CAMTA1: variants seen among roughly 807,000 people sequenced by gnomAD.
CAMTA1 encodes the protein calmodulin-binding transcription activator 1.
CAMTA1 carries 27 observed loss-of-function variants against 170.9 expected under a neutral mutation model. The observed-to-expected ratio is 0.16, with a 90% CI of 0.12 to 0.22. CAMTA1 has a LOEUF of 0.22. CAMTA1 is among the 10% of genes least tolerant of loss of function. The pLI is 1.00. For missense variants in CAMTA1, 1,619 were observed against 2,217.2 expected (o/e 0.73, Z 5.42); for synonymous variants, 833 against 891.5 (o/e 0.93, Z 1.17).
Position 7,744,880 on chromosome 1 carries a change from G to T in CAMTA1, c.4228G>T (p.Asp1410Tyr). ...AGAACACATTATTGAAGCCACACCT[G>T]ACCGAATCAAGCAGGAGAATTTTGT... ...LAEHIIEATPDRIKQENFVPM... is the reference protein window; with the variant it reads ...LAEHIIEATPYRIKQENFVPM... The change falls in exon 17 of 23, where the codon GAC (aspartate) becomes TAC (tyrosine). Residue 1410 changes from aspartate to tyrosine, a missense_variant. By Grantham distance (160) the Asp-to-Tyr change is radical. Transcript: ENST00000303635. The T allele has an allele frequency of 6.2e-7, 1 of 1,614,062 alleles. No individual in the cohort carries two copies. Among genetic ancestry groups the T allele is most frequent in the Non-Finnish European group, 8.5e-7 (1 of 1,180,008 alleles).
rs146552322 is a variant in CAMTA1 at position 7,675,820 on chromosome 1, G to C, written c.2780-1779G>C. 7.8e-3 allele frequency among the ~76,000 whole-genome samples: 1,194 copies of C among 152,144 alleles called. 8 individuals carry two copies. Among genetic ancestry groups the C allele is most frequent in the South Asian group, 0.047 (227 of 4,816 alleles). On this transcript the variant is annotated intron_variant, in intron 10 of 22. Coordinates refer to ENST00000303635, the MANE Select transcript of CAMTA1 (RefSeq NM_015215.4). ...GAAGAGCGAGTCCAGGAAGCTTCCT[G>C]GGTGATGGAACTGCAGGAGCAGGGC...
At chr1:7,708,159 C>T (rs774839322) in intron 11 of CAMTA1, among the ~76,000 whole-genome samples, 6 of 150,440 alleles carry the variant, frequency 4.0e-5, no homozygotes, top group Admixed American at 2.6e-4. Flanking sequence ...GGAGAAACCC[C>T]GTCTCTACAA....
intron 21 of CAMTA1, among the ~76,000 whole-genome samples, chr1:7,754,132 C>T (rs1035933840): frequency 2.6e-5 from 4 of 152,184 alleles, no homozygotes; most frequent in African/African-American, 7.2e-5. Context: ...TCCTCTTCGA[C>T]CTGCAAAATG....
intron 6 of CAMTA1, among the ~76,000 whole-genome samples, chr1:7,606,302 C>G (rs905102419): frequency 2.6e-5 from 4 of 152,150 alleles, no homozygotes; most frequent in African/African-American, 9.7e-5. Flanking sequence ...GCCTGAGACC[C>G]AGCAGCTGCC....
At chr1:7,107,616 G>A (rs909555881) in intron 4 of CAMTA1, among the ~76,000 whole-genome samples, 4 of 152,170 alleles carry the variant, frequency 2.6e-5, no homozygotes, top group Non-Finnish European at 4.4e-5. Context: ...GCCACCTCCC[G>A]GAGGGGCGGG....
intron 11 of CAMTA1, chr1:7,693,205 G>A (rs951330958): frequency 2.6e-5 from 4 of 152,462 alleles, no homozygotes; most frequent in African/African-American, 7.2e-5. Context: ...AGGCAAGGAG[G>A]AGCAAGTCAC....
intron 5 of CAMTA1, among the ~76,000 whole-genome samples, chr1:7,371,007 G>A (rs2086416006): frequency 7.3e-6 from 1 of 137,040 alleles, no homozygotes; most frequent in Admixed American, 8.5e-5. Flanking sequence ...CACCTCCCAG[G>A]TTCACACCAT....
At chr1:7,072,806 C>G (rs1457800362) in intron 3 of CAMTA1, among the ~76,000 whole-genome samples, 2 of 152,174 alleles carry the variant, frequency 1.3e-5, no homozygotes, top group African/African-American at 2.4e-5. Context: ...TGCAGAAGCC[C>G]TGGGGCAGGA....
intron 3 of CAMTA1, among the ~76,000 whole-genome samples, chr1:6,932,000 C>G (rs1684500249): frequency 2.0e-5 from 3 of 152,186 alleles, no homozygotes; most frequent in Non-Finnish European, 4.4e-5. Context: ...CAGGGAACAC[C>G]ATTCACATTG....
At chr1:7,698,399 C>T (rs1576979328) in intron 11 of CAMTA1, 1 of 152,308 alleles carries the variant, frequency 6.6e-6, no homozygotes, top group Non-Finnish European at 1.5e-5. Flanking sequence ...GCTGGACAAC[C>T]TTGCAGTGTA....
At chr1:7,566,460 C>A (rs1217270020) in intron 6 of CAMTA1, among the ~76,000 whole-genome samples, 4 of 152,152 alleles carry the variant, frequency 2.6e-5, no homozygotes. Flanking sequence ...CCAAAGAGAA[C>A]CCAGCCCAGC....
At chr1:7,316,305 T>G (rs1224413017) in intron 5 of CAMTA1, among the ~76,000 whole-genome samples, 1 of 152,222 alleles carries the variant, frequency 6.6e-6, no homozygotes, top group African/African-American at 2.4e-5. Flanking sequence ...GATTTAATGC[T>G]TACCCTAATC....
intron 6 of CAMTA1, among the ~76,000 whole-genome samples, chr1:7,604,892 T>C (rs1423434596): frequency 2.6e-5 from 4 of 152,206 alleles, no homozygotes; most frequent in Non-Finnish European, 5.9e-5. Context: ...TAGTTTTCCT[T>C]CTAACAGTCA....
chr1:7,144,882 C>T lies in CAMTA1; in HGVS notation c.302+53511C>T, dbSNP rs907221245. Among the ~76,000 whole-genome samples the T allele has an allele frequency of 1.9e-4, 29 of 152,234 alleles. No homozygotes were observed. The highest frequency in any genetic ancestry group is 6.3e-4 in the African/African-American group (26 of 41,458). ...AACTTTAAGCTGGTCATTTGTCCTC[C>T]ACAACTACCTGGTGAGGCAGCACTT... On this transcript the variant is annotated intron_variant, in intron 4 of 22. Coordinates refer to ENST00000303635, the MANE Select transcript of CAMTA1 (RefSeq NM_015215.4). This position sits in a 1 kb window ranked among gnomAD's most constrained non-coding sequence, Gnocchi z 4.0.
chr1:7,460,500 A>G (rs1482197183), intron 5 of CAMTA1, among the ~76,000 whole-genome samples: 1 of 152,022 alleles, frequency 6.6e-6, no homozygotes, highest in Non-Finnish European at 1.5e-5. Flanking sequence ...AGCAGTGAAA[A>G]GTTACTCACA....
At chr1:7,711,953 A>G (rs1423650593) in intron 11 of CAMTA1, among the ~76,000 whole-genome samples, 1 of 152,222 alleles carries the variant, frequency 6.6e-6, no homozygotes, top group Non-Finnish European at 1.5e-5. Flanking sequence ...GACCCACTAT[A>G]GATACTCTGC....
At chr1:7,139,246 A>T (rs908250707) in intron 4 of CAMTA1, among the ~76,000 whole-genome samples, 4 of 143,982 alleles carry the variant, frequency 2.8e-5, no homozygotes, top group Non-Finnish European at 4.6e-5. Flanking sequence ...ATTTATATTT[A>T]TAATTATAAA....
At chr1:6,891,829 GT>G (rs879886862) in intron 3 of CAMTA1, among the ~76,000 whole-genome samples, 42 of 152,204 alleles carry the variant, frequency 2.8e-4, no homozygotes, top group Non-Finnish European at 5.1e-4. Flanking sequence ...TACTTCTGCA[GT>G]TTAAGAAAGT....
At chr1:7,507,659 C>T (rs779809427) in intron 6 of CAMTA1, among the ~76,000 whole-genome samples, 114 of 152,182 alleles carry the variant, frequency 7.5e-4, no homozygotes, top group Non-Finnish European at 1.1e-3. Context: ...AAGCTGCAAG[C>T]GCCAGCCCCC....
Sources: allele counts gnomAD v4.1 joint callset (sites outside exome capture counted in the v4.1 genomes callset), GRCh38; gene constraint gnomAD v4.1.1; non-coding constraint Gnocchi (gnomAD v3.1); transcripts MANE v1.5; gene names NCBI Gene and HGNC (gene_info 2026-07-23, HGNC 2026-07-21).